PABPC4L: variants seen among roughly 807,000 people sequenced by gnomAD.
The protein encoded by PABPC4L is polyadenylate-binding protein 4-like.
For missense variants in PABPC4L, 452 were observed against 451.4 expected, an observed-to-expected ratio of 1.00 and a Z score of -0.01; for synonymous variants, 169 against 164.1, an observed-to-expected ratio of 1.03 and a Z score of -0.23.
chr4:133,984,641 G>A, the PABPC4L span, among the ~76,000 whole-genome samples: 5 of 151,846 alleles, frequency 3.3e-5, no homozygotes, highest in African/African-American at 1.2e-4. Flanking sequence ...GATTACTTGG[G>A]CCAGTAGGTG....
the PABPC4L span, among the ~76,000 whole-genome samples, chr4:134,157,075 T>G: frequency 6.6e-6 from 1 of 151,888 alleles, no homozygotes; most frequent in African/African-American, 2.4e-5. Flanking sequence ...TCTCTGATTC[T>G]TACTTTAGCT....
the PABPC4L span, among the ~76,000 whole-genome samples, chr4:133,986,788 T>C: frequency 6.6e-6 from 1 of 151,080 alleles, no homozygotes; most frequent in African/African-American, 2.4e-5. Flanking sequence ...CAGGCTGGAG[T>C]GCAGTGGCAC....
the PABPC4L span, among the ~76,000 whole-genome samples, chr4:134,181,318 T>C: frequency 6.6e-6 from 1 of 151,836 alleles, no homozygotes; most frequent in African/African-American, 2.4e-5. Context: ...TAAAATTTAA[T>C]ATCCCTTTAT....
chr4:134,126,512 C>G, the PABPC4L span, among the ~76,000 whole-genome samples: 1 of 151,974 alleles, frequency 6.6e-6, no homozygotes, highest in African/African-American at 2.4e-5. Context: ...TTAAAGAGAC[C>G]CTGTGGGATA....
chr4:134,072,737 A>G, the PABPC4L span, among the ~76,000 whole-genome samples: 2 of 152,152 alleles, frequency 1.3e-5, no homozygotes, highest in African/African-American at 2.4e-5. Context: ...ATAGTTCCAC[A>G]TGGCTGGGGA....
chr4:134,079,816 T>A, the PABPC4L span, among the ~76,000 whole-genome samples: 2 of 151,844 alleles, frequency 1.3e-5, no homozygotes, highest in Non-Finnish European at 2.9e-5. Flanking sequence ...AAAATAATGG[T>A]AATTCTAAAA....
At chr4:133,994,940 C>A in the PABPC4L span, among the ~76,000 whole-genome samples, 1 of 152,154 alleles carries the variant, frequency 6.6e-6, no homozygotes, top group East Asian at 1.9e-4. Context: ...CCCCAGATCC[C>A]GGTTGCAACC....
the PABPC4L span, among the ~76,000 whole-genome samples, chr4:134,070,340 G>A: frequency 4.6e-5 from 7 of 152,044 alleles, no homozygotes; most frequent in African/African-American, 1.4e-4. Flanking sequence ...CATGTGCATC[G>A]GCTGTGGTGA....
At chr4:134,039,329 T>A in the PABPC4L span, among the ~76,000 whole-genome samples, 1 of 152,156 alleles carries the variant, frequency 6.6e-6, no homozygotes, top group African/African-American at 2.4e-5. Flanking sequence ...TCTGTAGATG[T>A]CTATTAGGTC....
At chr4:134,157,955 TTCTC>T in the PABPC4L span, among the ~76,000 whole-genome samples, 1 of 151,820 alleles carries the variant, frequency 6.6e-6, no homozygotes, top group East Asian at 1.9e-4. Flanking sequence ...CACTTATTTG[TTCTC>T]TCTCTCCTCA....
At chr4:134,160,862 C>A in the PABPC4L span, among the ~76,000 whole-genome samples, 24 of 151,140 alleles carry the variant, frequency 1.6e-4, no homozygotes, top group East Asian at 4.5e-3. Flanking sequence ...AAAGTAAAAT[C>A]AAAAAAATAT....
At chr4:134,065,507 A>C in the PABPC4L span, among the ~76,000 whole-genome samples, 1 of 152,014 alleles carries the variant, frequency 6.6e-6, no homozygotes, top group South Asian at 2.1e-4. Flanking sequence ...AAAATCAATA[A>C]GTAAATTAAA....
At chr4:133,983,317 G>A in the PABPC4L span, among the ~76,000 whole-genome samples, 3 of 151,774 alleles carry the variant, frequency 2.0e-5, no homozygotes, top group Non-Finnish European at 4.4e-5. Flanking sequence ...TATATATATT[G>A]TCATATGCAA....
At chr4:134,092,828 G>C in the PABPC4L span, among the ~76,000 whole-genome samples, 1 of 152,040 alleles carries the variant, frequency 6.6e-6, no homozygotes, top group South Asian at 2.1e-4. Flanking sequence ...GAACACTCCC[G>C]CCTCATTTGG....
chr4:133,952,616 T>A, the PABPC4L span, among the ~76,000 whole-genome samples: 1 of 152,272 alleles, frequency 6.6e-6, no homozygotes, highest in Non-Finnish European at 1.5e-5. Context: ...TTCTGAAAAC[T>A]ATTTTTCGTG....
chr4:134,140,420 G>T, the PABPC4L span, among the ~76,000 whole-genome samples: 1 of 151,720 alleles, frequency 6.6e-6, no homozygotes, highest in African/African-American at 2.4e-5. Flanking sequence ...GTATAATAAA[G>T]AATTGTTTTT....
At chr4:133,963,727 G>A in the PABPC4L span, among the ~76,000 whole-genome samples, 2 of 151,716 alleles carry the variant, frequency 1.3e-5, no homozygotes, top group African/African-American at 4.8e-5. Flanking sequence ...TAAATAACCT[G>A]TTCCTCAAAA....
At chr4:134,157,031 T>G in the PABPC4L span, among the ~76,000 whole-genome samples, 17 of 151,980 alleles carry the variant, frequency 1.1e-4, no homozygotes, top group African/African-American at 3.9e-4. Context: ...TTTTCTAATT[T>G]TTATTGGTGC....
the PABPC4L span, among the ~76,000 whole-genome samples, chr4:134,161,840 C>G: frequency 3.9e-5 from 6 of 152,000 alleles, no homozygotes. Context: ...AAGACAAACC[C>G]ATTAAAAATA....
Sources: allele counts gnomAD v4.1 joint callset (sites outside exome capture counted in the v4.1 genomes callset), GRCh38; gene constraint gnomAD v4.1.1; transcripts MANE v1.5; gene names NCBI Gene and HGNC (gene_info 2026-07-23, HGNC 2026-07-21).